PATJ: variants seen among roughly 807,000 people sequenced by gnomAD.
PATJ encodes inaD-like protein.
PATJ carries 190 observed loss-of-function variants against 224.9 expected under a neutral mutation model. That is an observed-to-expected ratio of 0.84 (90% CI 0.75 to 0.95). The LOEUF is 0.95. Among genes scored for constraint, PATJ ranks in the 40% least tolerant of loss-of-function variants. The pLI is 0.00. For synonymous variants in PATJ, 769 were observed against 820.3 expected, an observed-to-expected ratio of 0.94 and a Z score of 1.07; for missense variants, 2,121 against 2,270.3, an observed-to-expected ratio of 0.93 and a Z score of 1.34.
At chr1:61,875,490 G>A in intron 21 of PATJ, 124 bp downstream of exon 21, 1 of 663,504 alleles carries the variant, frequency 1.5e-6, no homozygotes, top group Non-Finnish European at 2.5e-6. Flanking sequence ...ATTTATGTCT[G>A]CTTAATAATT....
chr1:61,946,816 C>T (rs894241403), intron 27 of PATJ, among the ~76,000 whole-genome samples: 9 of 152,168 alleles, frequency 5.9e-5, no homozygotes, highest in South Asian at 2.1e-4. Flanking sequence ...CAGAAATCCT[C>T]AGTAAAATAC....
intron 17 of PATJ, among the ~76,000 whole-genome samples, 187 bp from the exon 18 acceptor site, chr1:61,855,843 T>C (rs58932514): frequency 0.067 from 10,200 of 152,218 alleles, 368 homozygotes; most frequent in South Asian, 0.11. Flanking sequence ...TATACAGAGG[T>C]GTACAACCAT....
At chr1:61,901,657 A>G (rs1030122169) in intron 24 of PATJ, among the ~76,000 whole-genome samples, 198 bp downstream of exon 24, 6 of 152,236 alleles carry the variant, frequency 3.9e-5, no homozygotes, top group Non-Finnish European at 8.8e-5. Flanking sequence ...GTAAACAAAT[A>G]AAATGATAAA....
intron 17 of PATJ, among the ~76,000 whole-genome samples, chr1:61,836,950 C>A (rs2811325): frequency 6.6e-6 from 1 of 152,184 alleles, no homozygotes; most frequent in Admixed American, 6.5e-5. Flanking sequence ...AGAACTTTTA[C>A]GTTGTAAAGG....
At chr1:62,137,141 C>A (rs551512995) in intron 41 of PATJ, among the ~76,000 whole-genome samples, 14 of 151,992 alleles carry the variant, frequency 9.2e-5, no homozygotes, top group African/African-American at 2.7e-4. Context: ...AATAAATACA[C>A]AATATTTCAC....
At position 61,875,234 on chromosome 1, in the gene PATJ, CCT is replaced by C; in HGVS notation, c.2836-5_2836-4del. On this transcript the variant is annotated splice_polypyrimidine_tract_variant and splice_region_variant and intron_variant, in intron 20 of 43. Coordinates refer to ENST00000642238, the MANE Select transcript of PATJ (RefSeq NM_001350145.3). ...GTACTAATGCATTTCTATTTTTCTT[CCT>C]CTCAAGATGAAAGAAAATTTTGTCA... The C allele has an allele frequency of 1.9e-6, 3 of 1,553,542 alleles. No homozygotes were observed. Among genetic ancestry groups the C allele is most frequent in the Non-Finnish European group, 2.6e-6 (3 of 1,136,606 alleles).
chr1:61,952,965 CATTA>C (rs1383713969), intron 27 of PATJ, among the ~76,000 whole-genome samples: 4 of 152,074 alleles, frequency 2.6e-5, no homozygotes, highest in African/African-American at 9.7e-5. Flanking sequence ...TAAAATAACA[CATTA>C]ATTATTTTAT....
At chr1:62,079,404 A>T in intron 31 of PATJ, 46 bp from the exon 32 acceptor site, 1 of 1,125,352 alleles carries the variant, frequency 8.9e-7, no homozygotes, top group Non-Finnish European at 1.4e-6. Context: ...TTTTCTTGTT[A>T]CCTTTCTCCT....
chr1:61,818,360 G>A (rs190253768), intron 14 of PATJ, among the ~76,000 whole-genome samples: 2 of 152,276 alleles, frequency 1.3e-5, no homozygotes, highest in African/African-American at 4.8e-5. Context: ...GCATCAAAAA[G>A]CATGACATGC....
chr1:62,128,994 T>C, intron 41 of PATJ, 49 bp downstream of exon 41: 1 of 1,295,296 alleles, frequency 7.7e-7, no homozygotes, highest in African/African-American at 1.4e-5. Flanking sequence ...ATAAGTGGCA[T>C]GCAAAAAAGA....
chr1:61,832,875 C>T (rs1659578054), intron 16 of PATJ, among the ~76,000 whole-genome samples: 1 of 152,156 alleles, frequency 6.6e-6, no homozygotes, highest in African/African-American at 2.4e-5. Flanking sequence ...CATTCTTCTG[C>T]ATAGTAGATT....
intron 33 of PATJ, among the ~76,000 whole-genome samples, chr1:62,090,964 G>T (rs942361081): frequency 2.0e-5 from 3 of 152,194 alleles, no homozygotes; most frequent in African/African-American, 7.2e-5. Flanking sequence ...GAATTATAGA[G>T]AAGAAAAACT....
intron 27 of PATJ, among the ~76,000 whole-genome samples, chr1:61,958,010 G>A (rs1433878475): frequency 2.0e-5 from 3 of 152,080 alleles, no homozygotes; most frequent in Non-Finnish European, 2.9e-5. Context: ...AATATATTAA[G>A]TATTTAATAC....
intron 27 of PATJ, among the ~76,000 whole-genome samples, chr1:61,982,132 A>G (rs1193430000): frequency 6.6e-6 from 1 of 151,912 alleles, no homozygotes; most frequent in African/African-American, 2.4e-5. Context: ...GGGGCTTTCT[A>G]GTTTCTGTGG....
At chr1:62,065,543 G>A (rs879260793) in intron 31 of PATJ, among the ~76,000 whole-genome samples, 1 of 152,136 alleles carries the variant, frequency 6.6e-6, no homozygotes, top group Non-Finnish European at 1.5e-5. Context: ...AGGAGGCAGA[G>A]GTTGCAGTGA....
intron 22 of PATJ, among the ~76,000 whole-genome samples, chr1:61,898,420 T>A (rs1469064153): frequency 6.7e-6 from 1 of 148,750 alleles, no homozygotes. Context: ...TTTTTTTTTT[T>A]AGAGATGGGG....
intron 28 of PATJ, among the ~76,000 whole-genome samples, chr1:61,998,033 ATATATTTAT>A (rs1477893380): frequency 2.3e-5 from 3 of 130,272 alleles, no homozygotes; most frequent in Non-Finnish European, 4.6e-5. Context: ...ATAATATATT[ATATATTTAT>A]TATATATATT....
intron 28 of PATJ, among the ~76,000 whole-genome samples, chr1:61,999,160 A>G (rs1332556075): frequency 6.6e-6 from 1 of 152,042 alleles, no homozygotes; most frequent in Non-Finnish European, 1.5e-5. Context: ...AATTTTCAGC[A>G]GTGCCTCTCT....
At chr1:62,002,353 G>C (rs138202376) in intron 28 of PATJ, among the ~76,000 whole-genome samples, 1 of 152,294 alleles carries the variant, frequency 6.6e-6, no homozygotes, top group East Asian at 1.9e-4. Context: ...GCTATCAACT[G>C]TATATCATGT....
Sources: allele counts gnomAD v4.1 joint callset (sites outside exome capture counted in the v4.1 genomes callset), GRCh38; gene constraint gnomAD v4.1.1; transcripts MANE v1.5; gene names NCBI Gene and HGNC (gene_info 2026-07-23, HGNC 2026-07-21).